Variants in BTBD9 observed in about 807,000 individuals in gnomAD.
BTBD9 encodes BTB/POZ domain-containing protein 9.
A neutral mutation model predicts 64.3 loss-of-function variants in BTBD9; 49 were observed. The observed-to-expected ratio is 0.76, with a 90% confidence interval of 0.61 to 0.97. BTBD9 has a LOEUF of 0.97. Among genes scored for constraint, BTBD9 ranks in the 50% least tolerant of loss-of-function variants. BTBD9 has a pLI of 0.00. For synonymous variants in BTBD9, 260 were observed against 274.7 expected, an observed-to-expected ratio of 0.95 and a Z score of 0.53; for missense variants, 598 against 762.1, an observed-to-expected ratio of 0.78 and a Z score of 2.53.
At chr6:38,628,368 C>G (rs957462488) in intron 1 of BTBD9, among the ~76,000 whole-genome samples, 4 of 152,200 alleles carry the variant, frequency 2.6e-5, no homozygotes, top group Non-Finnish European at 4.4e-5. Flanking sequence ...CAGGTCCCCA[C>G]GCTAACATTT....
rs1038785304 is a variant in BTBD9, at chr6:38,379,599, C to T, written c.1155-34506G>A. ...AGAAAGCAAGAAGGTAAAGAAGGTT[C>T]TAGAAAGGATATCTCTTAAGAAAAA... On this transcript the variant is annotated intron_variant, in intron 6 of 10. Coordinates refer to ENST00000481247, the MANE Select transcript of BTBD9 (RefSeq NM_001099272.2). Among the ~76,000 whole-genome samples the T allele has an allele frequency of 2.0e-5, 3 of 151,482 alleles. No homozygotes were observed. The East Asian group carries it at 5.8e-4, about 29-fold the overall frequency.
chr6:38,235,563 G>A lies in BTBD9; in HGVS notation c.1562+20846C>T, dbSNP rs559823632. ...TCACCATATTTCAAGGTTTAAGATAGGGAGGGGTCAGTGACAAAGATGAGC... is the reference window on the plus strand; with the variant it reads ...TCACCATATTTCAAGGTTTAAGATAAGGAGGGGTCAGTGACAAAGATGAGC... On this transcript the variant is annotated intron_variant, in intron 9 of 10. Transcript: ENST00000481247. 2.6e-4 allele frequency among the ~76,000 whole-genome samples: 39 copies of A among 152,290 alleles called. No individual in the cohort carries two copies. The South Asian group carries it at 7.9e-3, about 31-fold the overall frequency.
At chr6:38,554,594 T>C (rs1774939159) in intron 6 of BTBD9, among the ~76,000 whole-genome samples, 1 of 152,232 alleles carries the variant, frequency 6.6e-6, no homozygotes, top group Non-Finnish European at 1.5e-5. Context: ...AGAACGGAGC[T>C]TGCATACTGT....
At chr6:38,589,444 T>C (rs913140160) in intron 4 of BTBD9, among the ~76,000 whole-genome samples, 7 of 152,194 alleles carry the variant, frequency 4.6e-5, no homozygotes, top group African/African-American at 1.7e-4. Flanking sequence ...AAGGAACTTA[T>C]ATAAGACAGG....
intron 10 of BTBD9, among the ~76,000 whole-genome samples, chr6:38,178,846 ATTTAT>A (rs1761406113): frequency 8.2e-6 from 1 of 121,942 alleles, no homozygotes; most frequent in African/African-American, 2.9e-5. Flanking sequence ...AAAGGAGGCT[ATTTAT>A]TTATTTATTT....
chr6:38,258,254 G>A (rs1314637218), intron 8 of BTBD9, among the ~76,000 whole-genome samples: 1 of 151,938 alleles, frequency 6.6e-6, no homozygotes, highest in Non-Finnish European at 1.5e-5. Context: ...CCAAAGTGTT[G>A]GGATTACAGG....
chr6:38,349,566 T>C (rs1234030622), intron 6 of BTBD9, among the ~76,000 whole-genome samples: 1 of 152,148 alleles, frequency 6.6e-6, no homozygotes, highest in Non-Finnish European at 1.5e-5. Context: ...TTGTTGTTAA[T>C]CTCTCACTGT....
At chr6:38,257,881 G>A (rs991510646) in intron 8 of BTBD9, among the ~76,000 whole-genome samples, 8 of 152,038 alleles carry the variant, frequency 5.3e-5, no homozygotes, top group African/African-American at 7.2e-5. Flanking sequence ...TTTTTGATCT[G>A]AGTGGTAGTT....
intron 10 of BTBD9, among the ~76,000 whole-genome samples, chr6:38,183,183 T>C (rs1192734854): frequency 6.6e-6 from 1 of 152,176 alleles, no homozygotes. Flanking sequence ...GGTTTCACCG[T>C]GTTAGCCAGG....
In BTBD9 at chr6:38,194,835, T is replaced by C. The variant is rs145980074; in HGVS notation, c.1563-2238A>G. Among the ~76,000 whole-genome samples the C allele has an allele frequency of 1.4e-3, 213 of 150,220 alleles. 1 individual carries two copies. Among genetic ancestry groups the C allele is most frequent in the African/African-American group, 5.2e-3 (207 of 39,690 alleles). On this transcript the variant is annotated intron_variant, in intron 9 of 10. Transcript: ENST00000481247. ...CTCTGGGCTCTGGCCCCACTGCCCT[T>C]GCTTCTGCATGGGGAGGCAGGAGAG...
chr6:38,352,480 A>C (rs1389891154), intron 6 of BTBD9, among the ~76,000 whole-genome samples: 1 of 152,238 alleles, frequency 6.6e-6, no homozygotes, highest in Non-Finnish European at 1.5e-5. Context: ...AGTTTATAAT[A>C]CAGTTTGGAA....
At chr6:38,539,321 A>G (rs1774161455) in intron 6 of BTBD9, among the ~76,000 whole-genome samples, 1 of 152,202 alleles carries the variant, frequency 6.6e-6, no homozygotes, top group South Asian at 2.1e-4. Flanking sequence ...GTTCAACCCA[A>G]TAATACCAAC....
chr6:38,597,801 G>A (rs1388747131), intron 2 of BTBD9, 109 bp downstream of exon 2: 1 of 872,646 alleles, frequency 1.1e-6, no homozygotes, highest in African/African-American at 1.7e-5. Context: ...TGAATTGAGA[G>A]ACTGCAAGAC....
intron 1 of BTBD9, among the ~76,000 whole-genome samples, chr6:38,601,799 G>A (rs780620283): frequency 2.6e-5 from 4 of 152,054 alleles, no homozygotes; most frequent in Non-Finnish European, 5.9e-5. Flanking sequence ...AAAAATCCAT[G>A]AGAATCAACT....
rs140830395 is a variant in BTBD9 at position 38,513,138 on chromosome 6, T to C, written c.1154+64462A>G. 2.5e-3 allele frequency among the ~76,000 whole-genome samples: 384 copies of C among 152,184 alleles called. 1 individual carries two copies. Among genetic ancestry groups the C allele is most frequent in the Non-Finnish European group, 4.5e-3 (307 of 67,992 alleles). ...GGCTTACAGAATTTTTCTTATAAGG[T>C]TCATTTAACAAAAGCACATTTGAAG... On this transcript the variant is annotated intron_variant, in intron 6 of 10. Coordinates refer to ENST00000481247, the MANE Select transcript of BTBD9 (RefSeq NM_001099272.2).
chr6:38,486,449 T>C (rs2127386472), intron 6 of BTBD9, among the ~76,000 whole-genome samples: 1 of 152,334 alleles, frequency 6.6e-6, no homozygotes, highest in East Asian at 1.9e-4. Flanking sequence ...GTGAGAGAGA[T>C]GTGGCTCTTC....
At chr6:38,499,706 G>A (rs1285323146) in intron 6 of BTBD9, among the ~76,000 whole-genome samples, 1 of 139,662 alleles carries the variant, frequency 7.2e-6, no homozygotes. Context: ...ATATTACCAT[G>A]CAGAGAAAAA....
chr6:38,193,510 G>C (rs908032881), intron 9 of BTBD9, among the ~76,000 whole-genome samples: 2 of 152,202 alleles, frequency 1.3e-5, no homozygotes, highest in Admixed American at 6.5e-5. Flanking sequence ...ATTCCTCATT[G>C]ATCAGCATGG....
intron 6 of BTBD9, among the ~76,000 whole-genome samples, chr6:38,556,856 A>G (rs1304868153): frequency 6.6e-6 from 1 of 150,854 alleles, no homozygotes; most frequent in Non-Finnish European, 1.5e-5. Context: ...GTCTCTACTA[A>G]AAATACAAAA....
Sources: allele counts gnomAD v4.1 joint callset (sites outside exome capture counted in the v4.1 genomes callset), GRCh38; gene constraint gnomAD v4.1.1; transcripts MANE v1.5; gene names NCBI Gene and HGNC (gene_info 2026-07-23, HGNC 2026-07-21).